The following IMMP2L variants were observed in gnomAD, a reference collection of about 807,000 sequenced individuals.
IMMP2L encodes the protein inner mitochondrial membrane peptidase subunit 2, also known as mitochondrial inner membrane protease subunit 2.
IMMP2L carries 18 observed loss-of-function variants against 19.3 expected under a neutral mutation model. That is an observed-to-expected ratio of 0.93 (90% CI 0.64 to 1.38). The LOEUF is 1.38. IMMP2L is among the 40% of genes most tolerant of loss of function. The probability of loss-of-function intolerance (pLI) is 0.00; values close to 1 mark genes in which losing one functional copy is unlikely to be tolerated. For synonymous variants in IMMP2L, 76 were observed against 73.0 expected (o/e 1.04, Z -0.21); for missense variants, 233 against 218.2 (o/e 1.07, Z -0.43).
rs1179574082 is a variant in IMMP2L at position 111,076,657 on chromosome 7, G to A, written c.240-113092C>T. ...TGTGGTTCAGAAAAGCTAAATCATA[G>A]GGAATCCCTCTGTCCACATAATAGT... On this transcript the variant is annotated intron_variant, in intron 3 of 5. Coordinates refer to ENST00000405709, the MANE Select transcript of IMMP2L (RefSeq NM_032549.4). 2.6e-5 allele frequency among the ~76,000 whole-genome samples: 4 copies of A among 152,270 alleles called. No homozygotes were observed. In the East Asian group the frequency reaches 7.7e-4, roughly 29 times the overall value.
chr7:110,694,941 T>G (rs967543449), intron 5 of IMMP2L, among the ~76,000 whole-genome samples: 2 of 151,128 alleles, frequency 1.3e-5, no homozygotes, highest in Non-Finnish European at 3.0e-5. Context: ...AGCGTCGTGT[T>G]AAGTGAAAGA....
intron 5 of IMMP2L, among the ~76,000 whole-genome samples, chr7:110,776,487 A>G (rs1201007489): frequency 6.6e-6 from 1 of 151,980 alleles, no homozygotes; most frequent in Non-Finnish European, 1.5e-5. Flanking sequence ...AGCAGAGCAG[A>G]AGGCTTTCTG....
intron 3 of IMMP2L, among the ~76,000 whole-genome samples, chr7:111,311,419 C>T (rs780298426): frequency 2.0e-5 from 3 of 152,056 alleles, no homozygotes; most frequent in Non-Finnish European, 4.4e-5. Flanking sequence ...TTTGGGTCTC[C>T]CCTCCCTGCC....
intron 5 of IMMP2L, among the ~76,000 whole-genome samples, chr7:110,739,966 G>A (rs1796890956): frequency 6.6e-6 from 1 of 152,090 alleles, no homozygotes; most frequent in South Asian, 2.1e-4. Flanking sequence ...AATGATTGTT[G>A]GGTTAACAAT....
intron 3 of IMMP2L, among the ~76,000 whole-genome samples, chr7:110,979,768 T>C (rs563314814): frequency 6.6e-6 from 1 of 152,042 alleles, no homozygotes; most frequent in Non-Finnish European, 1.5e-5. Flanking sequence ...ACAAATGCCC[T>C]AACAGACACC....
At position 111,233,215 on chromosome 7, in the gene IMMP2L, C is replaced by A. The variant is rs190644119; in HGVS notation, c.239+254023G>T. The stretch of plus-strand genomic sequence containing the variant: ...TTTAAAATGAGTAATCCCTTTACAG[C>A]ATGATTAATAAATACAATCTCTAAA... On this transcript the variant is annotated intron_variant, in intron 3 of 5. Transcript: ENST00000405709. 1.8e-3 allele frequency among the ~76,000 whole-genome samples: 271 copies of A among 152,140 alleles called. 1 individual carries two copies. The highest frequency in any genetic ancestry group is 3.5e-3 in the Non-Finnish European group (237 of 67,996).
intron 3 of IMMP2L, among the ~76,000 whole-genome samples, chr7:110,973,769 G>A (rs1468438944): frequency 1.3e-5 from 2 of 152,014 alleles, no homozygotes; most frequent in South Asian, 4.1e-4. Context: ...TCAGAGCATC[G>A]GTCCCCTAAT....
chr7:111,227,824 A>G (rs1004378573), intron 3 of IMMP2L, among the ~76,000 whole-genome samples: 1 of 152,156 alleles, frequency 6.6e-6, no homozygotes, highest in Non-Finnish European at 1.5e-5. Flanking sequence ...CAAAAAATAT[A>G]TATATCACAT....
At chr7:110,907,487 T>C (rs938236207) in intron 4 of IMMP2L, among the ~76,000 whole-genome samples, 3 of 152,050 alleles carry the variant, frequency 2.0e-5, no homozygotes, top group Admixed American at 6.6e-5. Context: ...CCAGGGTTTT[T>C]ATGGGCACAT....
chr7:111,549,578 A>G (rs1453830366), intron 1 of IMMP2L, among the ~76,000 whole-genome samples: 1 of 152,224 alleles, frequency 6.6e-6, no homozygotes, highest in Non-Finnish European at 1.5e-5. Flanking sequence ...ACAGGTCTCA[A>G]AAAATCTTCT....
intron 3 of IMMP2L, among the ~76,000 whole-genome samples, chr7:111,016,994 ATATAT>A (rs908547173): frequency 1.2e-4 from 15 of 128,728 alleles, no homozygotes; most frequent in Middle Eastern, 3.6e-3. Context: ...TATATATTAC[ATATAT>A]TATATATAAA....
At chr7:111,361,408 T>C (rs1228561421) in intron 3 of IMMP2L, among the ~76,000 whole-genome samples, 1 of 152,170 alleles carries the variant, frequency 6.6e-6, no homozygotes, top group Non-Finnish European at 1.5e-5. Flanking sequence ...TATAATTATA[T>C]ACACTTACTA....
chr7:110,816,373 G>A (rs2131303058), intron 5 of IMMP2L, among the ~76,000 whole-genome samples: 1 of 152,140 alleles, frequency 6.6e-6, no homozygotes, highest in South Asian at 2.1e-4. Context: ...GCTGAGGAGA[G>A]CTTTACTTCC....
chr7:111,337,447 T>TGGAA (rs947712701), intron 3 of IMMP2L, among the ~76,000 whole-genome samples: 5 of 136,840 alleles, frequency 3.7e-5, no homozygotes, highest in African/African-American at 1.4e-4. Flanking sequence ...GTTATTTGGA[T>TGGAA]GGAAGGATGG....
At chr7:110,816,912 CTT>C (rs1459537058) in intron 5 of IMMP2L, among the ~76,000 whole-genome samples, 1 of 152,098 alleles carries the variant, frequency 6.6e-6, no homozygotes, top group Non-Finnish European at 1.5e-5. Context: ...GGTCTTGACT[CTT>C]TATCCAATTT....
At chr7:111,204,373 C>A (rs1810475938) in intron 3 of IMMP2L, among the ~76,000 whole-genome samples, 1 of 152,012 alleles carries the variant, frequency 6.6e-6, no homozygotes, top group South Asian at 2.1e-4. Flanking sequence ...TATAATAAAA[C>A]CTAGAGCATA....
chr7:110,756,227 G>T (rs1310181057), intron 5 of IMMP2L, among the ~76,000 whole-genome samples: 2 of 152,074 alleles, frequency 1.3e-5, no homozygotes, highest in Admixed American at 6.6e-5. Context: ...TGATTAATCA[G>T]ATGGTACATG....
At chr7:111,358,123 C>T (rs1828899778) in intron 3 of IMMP2L, among the ~76,000 whole-genome samples, 1 of 150,116 alleles carries the variant, frequency 6.7e-6, no homozygotes, top group Non-Finnish European at 1.5e-5. Flanking sequence ...CCTCTGGGTG[C>T]CTCACACTCT....
In IMMP2L at chr7:110,877,146, A is replaced by G. The variant is rs1417668851; in HGVS notation, c.408+9447T>C. ...TGTTCCAACATAACTTCTTTTATAC[A>G]GAAATAGGAATGGGCCAGATTTGGT... On this transcript the variant is annotated intron_variant, in intron 5 of 5. Transcript: ENST00000405709. The surrounding 1 kb of genome is among the most constrained non-coding windows in gnomAD (Gnocchi z 4.0). 2.0e-5 allele frequency among the ~76,000 whole-genome samples: 3 copies of G among 152,172 alleles called. No homozygotes were observed. Among genetic ancestry groups the G allele is most frequent in the Admixed American group, 6.6e-5 (1 of 15,260 alleles).
Sources: gnomAD v4.1 joint callset for allele counts (sites outside exome capture counted in the v4.1 genomes callset) on GRCh38, gnomAD v4.1.1 for gene constraint, Gnocchi (gnomAD v3.1) non-coding constraint, MANE v1.5 for transcripts, NCBI Gene and HGNC (gene_info 2026-07-23, HGNC 2026-07-21) for gene names.